The following ZNF560 variants were observed in gnomAD, a reference collection of about 807,000 sequenced individuals.
ZNF560 encodes the protein zinc finger protein 560.
In ZNF560, 54 loss-of-function variants were observed where a neutral mutation model predicts 81.8. That is an observed-to-expected ratio of 0.66 (90% CI 0.53 to 0.83). ZNF560 has a LOEUF of 0.83. ZNF560 is among the 40% of genes least tolerant of loss of function. ZNF560 has a pLI of 0.00. For missense variants in ZNF560, 940 were observed against 932.4 expected (o/e 1.01, Z -0.11); for synonymous variants, 321 against 317.9 (o/e 1.01, Z -0.10).
chr19:9,464,897 C>T (rs2072991051), downstream of ZNF560, among the ~76,000 whole-genome samples: 1 of 151,984 alleles, frequency 6.6e-6, no homozygotes, highest in East Asian at 1.9e-4. Context: ...CCATACATGC[C>T]CAGTTTCTCA....
chr19:9,503,434 G>C (rs1335342337), upstream of ZNF560, among the ~76,000 whole-genome samples: 2 of 152,172 alleles, frequency 1.3e-5, no homozygotes, highest in Non-Finnish European at 2.9e-5. Flanking sequence ...CAATGTCTCA[G>C]GAGGGCCTGC....
In ZNF560 at chr19:9,466,929, TGA is replaced by T. The variant is rs751228582; in HGVS notation, c.2016_2017del (p.Gln673ThrfsTer12). ...CTCTGCTGCATGAGTTTTTAAGTGTTGAGTTAGTACACAAGACCTACTGTAAG... is the reference window on the plus strand; with the variant it reads ...CTCTGCTGCATGAGTTTTTAAGTGTTGTTAGTACACAAGACCTACTGTAAG... On this transcript the variant is annotated frameshift_variant, in exon 10 of 10. Coordinates refer to ENST00000301480, the MANE Select transcript of ZNF560 (RefSeq NM_152476.3). LOFTEE classifies it high-confidence loss of function. The T allele has an allele frequency of 6.2e-7, 1 of 1,614,048 alleles. No individual in the cohort carries two copies. Among genetic ancestry groups the T allele is most frequent in the Non-Finnish European group, 8.5e-7 (1 of 1,179,932 alleles).
At chr19:9,503,709 G>A in the ZNF560 span, among the ~76,000 whole-genome samples, 11 of 151,862 alleles carry the variant, frequency 7.2e-5, no homozygotes, top group Non-Finnish European at 1.2e-4. Context: ...TAATTTTTTA[G>A]AAAATTTTTT....
At chr19:9,471,966 C>T (rs966419015) in intron 5 of ZNF560, among the ~76,000 whole-genome samples, 7 of 152,062 alleles carry the variant, frequency 4.6e-5, no homozygotes, top group African/African-American at 7.2e-5. Flanking sequence ...AAAAATTAGC[C>T]GGGCATGTTG....
chr19:9,478,057 C>T lies in ZNF560; in HGVS notation c.-56-2688G>A, dbSNP rs529359178. Among the ~76,000 whole-genome samples, 3 of 152,264 alleles carry T rather than the reference C, an allele frequency of 2.0e-5. No homozygotes were observed. The East Asian group carries it at 5.8e-4, about 29-fold the overall frequency. On this transcript the variant is annotated intron_variant, in intron 2 of 9. Transcript: ENST00000301480. ...CAGGAAGGGCAAACATCTCCAATCA[C>T]ATTCAATCCAAACAAGGCTACCCTA...
chr19:9,445,959 G>T, the ZNF560 span, among the ~76,000 whole-genome samples: 3 of 152,116 alleles, frequency 2.0e-5, no homozygotes, highest in African/African-American at 4.8e-5. Context: ...CCACAGGATT[G>T]CTTGGAGGCT....
intron 4 of ZNF560, among the ~76,000 whole-genome samples, 197 bp from the exon 5 acceptor site, chr19:9,473,456 T>C (rs1280851825): frequency 6.6e-6 from 1 of 151,990 alleles, no homozygotes; most frequent in Non-Finnish European, 1.5e-5. Context: ...CGTGTGCCTA[T>C]AATCCCAGCT....
At chr19:9,482,733 C>A (rs1474282349) in intron 2 of ZNF560, among the ~76,000 whole-genome samples, 1 of 151,126 alleles carries the variant, frequency 6.6e-6, no homozygotes, top group Non-Finnish European at 1.5e-5. Flanking sequence ...GACTGTACTG[C>A]CACCATCTCT....
At chr19:9,491,994 G>T (rs1177228638) in intron 2 of ZNF560, among the ~76,000 whole-genome samples, 2 of 632 alleles carry the variant, frequency 3.2e-3, no homozygotes, top group Admixed American at 0.025. Flanking sequence ...CTTTTCTTTT[G>T]GGGGGGGGAC....
At chr19:9,446,275 A>G in the ZNF560 span, among the ~76,000 whole-genome samples, 1 of 151,602 alleles carries the variant, frequency 6.6e-6, no homozygotes, top group Non-Finnish European at 1.5e-5. Context: ...TAGCTGATGC[A>G]TTCTGTCCAG....
At chr19:9,501,675 T>A (rs1392095521), upstream of ZNF560, among the ~76,000 whole-genome samples, 2 of 151,776 alleles carry the variant, frequency 1.3e-5, no homozygotes, top group Admixed American at 1.3e-4. Flanking sequence ...TTTGTATTTT[T>A]TTTTGTAGAG....
intron 2 of ZNF560, among the ~76,000 whole-genome samples, chr19:9,480,647 GA>G (rs961112617): frequency 5.1e-4 from 73 of 142,622 alleles, no homozygotes; most frequent in Admixed American, 5.6e-4. Context: ...GGGGTGAAGA[GA>G]AAAAAAAAAA....
chr19:9,490,636 T>C (rs960492258), intron 2 of ZNF560, among the ~76,000 whole-genome samples: 2 of 152,210 alleles, frequency 1.3e-5, no homozygotes, highest in Non-Finnish European at 2.9e-5. Context: ...AGAAAATATA[T>C]AAACAAATGA....
At chr19:9,449,574 AAAAAAC>A in the ZNF560 span, among the ~76,000 whole-genome samples, 1 of 152,218 alleles carries the variant, frequency 6.6e-6, no homozygotes, top group African/African-American at 2.4e-5. Context: ...TATGAAGTGA[AAAAAAC>A]AAAAAAGGAA....
chr19:9,462,225 C>A (rs73920795), downstream of ZNF560, among the ~76,000 whole-genome samples: 5,300 of 152,312 alleles, frequency 0.035, 329 homozygotes, highest in African/African-American at 0.12. Flanking sequence ...GATGCACACA[C>A]TGGAGGTTGC....
chr19:9,484,927 G>A (rs2144715287), intron 2 of ZNF560, among the ~76,000 whole-genome samples: 1 of 151,970 alleles, frequency 6.6e-6, no homozygotes, highest in Admixed American at 6.5e-5. Context: ...GTTAACTACA[G>A]AAATACAAAG....
chr19:9,501,085 T>C (rs2073628701), upstream of ZNF560, among the ~76,000 whole-genome samples: 1 of 152,050 alleles, frequency 6.6e-6, no homozygotes, highest in African/African-American at 2.4e-5. Context: ...TTGGATATGA[T>C]TTGCTAATAT....
chr19:9,451,287 A>G, the ZNF560 span, among the ~76,000 whole-genome samples: 80,372 of 151,968 alleles, frequency 0.53, 21,576 homozygotes, highest in Non-Finnish European at 0.55. Context: ...CACATACACC[A>G]ATGGATCAAG....
intron 6 of ZNF560, 62 bp downstream of exon 6, chr19:9,471,234 A>G (rs2073115580): frequency 4.0e-6 from 5 of 1,251,970 alleles, no homozygotes; most frequent in Admixed American, 2.3e-5. Flanking sequence ...CTTATTTTCT[A>G]TATTGGAAGT....
Sources: allele counts gnomAD v4.1 joint callset (sites outside exome capture counted in the v4.1 genomes callset), GRCh38; gene constraint gnomAD v4.1.1; transcripts MANE v1.5; gene names NCBI Gene and HGNC (gene_info 2026-07-23, HGNC 2026-07-21).